GPC6: variants seen among roughly 807,000 people sequenced by gnomAD.
The protein encoded by GPC6 is glypican 6.
In GPC6, 14 loss-of-function variants were observed where a neutral mutation model predicts 55.2. The ratio of observed to expected loss-of-function variants is 0.25; its 90% CI spans 0.17 to 0.40. GPC6 has a LOEUF of 0.40. Ranked by LOEUF, GPC6 falls within the 10% of genes least tolerant of loss-of-function variation. The pLI is 1.00. For missense variants in GPC6, 641 were observed against 708.5 expected (o/e 0.90, Z 1.08); for synonymous variants, 278 against 259.6 (o/e 1.07, Z -0.68).
At chr13:93,240,529 C>A (rs1446993914) in intron 1 of GPC6, among the ~76,000 whole-genome samples, 2 of 151,968 alleles carry the variant, frequency 1.3e-5, no homozygotes, top group African/African-American at 4.8e-5. Context: ...CTATAAGAAT[C>A]TTTACAAGTT....
At chr13:93,879,464 A>G (rs1191311023) in intron 3 of GPC6, among the ~76,000 whole-genome samples, 3 of 151,674 alleles carry the variant, frequency 2.0e-5, no homozygotes, top group Non-Finnish European at 2.9e-5. Context: ...GCAATGGGGA[A>G]AGGATTCCCT....
chr13:93,851,454 C>G lies in GPC6; in HGVS notation c.711+20909C>G, dbSNP rs143280904. On this transcript the variant is annotated intron_variant, in intron 3 of 8. Coordinates refer to ENST00000377047, the MANE Select transcript of GPC6 (RefSeq NM_005708.5). ...TGTTAGAGGGCACAGTGCCATCTAACAGTCAGGGAAGAATATAGGCTGAAA... is the reference window on the plus strand; with the variant it reads ...TGTTAGAGGGCACAGTGCCATCTAAGAGTCAGGGAAGAATATAGGCTGAAA... Among the ~76,000 whole-genome samples, 38 of 151,934 alleles carry G rather than the reference C, an allele frequency of 2.5e-4. No individual in the cohort carries two copies. The East Asian group carries it at 7.4e-3, about 30-fold the overall frequency.
chr13:94,113,489 T>C (rs931078943), intron 4 of GPC6, among the ~76,000 whole-genome samples: 2 of 152,142 alleles, frequency 1.3e-5, no homozygotes, highest in African/African-American at 4.8e-5. Context: ...TCCTTAAATA[T>C]GTGTGCACCT....
At chr13:93,610,366 C>T (rs534801594) in intron 2 of GPC6, among the ~76,000 whole-genome samples, 2 of 152,254 alleles carry the variant, frequency 1.3e-5, no homozygotes, top group East Asian at 1.9e-4. Context: ...TACATCGCAA[C>T]CCAGAATGTG....
At chr13:93,608,959 A>G (rs1393463530) in intron 2 of GPC6, among the ~76,000 whole-genome samples, 2 of 152,206 alleles carry the variant, frequency 1.3e-5, no homozygotes, top group African/African-American at 4.8e-5. Flanking sequence ...CATTATGAAT[A>G]AGATGCTATG....
chr13:93,390,828 G>A (rs1006943527), intron 1 of GPC6, among the ~76,000 whole-genome samples: 1 of 149,878 alleles, frequency 6.7e-6, no homozygotes, highest in Non-Finnish European at 1.5e-5. Context: ...GGGGACATTG[G>A]TGTCTTAGTT....
intron 4 of GPC6, among the ~76,000 whole-genome samples, chr13:94,158,176 T>C (rs1471351593): frequency 1.3e-5 from 2 of 152,146 alleles, no homozygotes; most frequent in Non-Finnish European, 2.9e-5. Context: ...AACCTCTCCA[T>C]GGAACATGCA....
intron 4 of GPC6, among the ~76,000 whole-genome samples, chr13:94,112,544 G>A (rs1001766978): frequency 1.3e-5 from 2 of 152,112 alleles, no homozygotes; most frequent in African/African-American, 4.8e-5. Context: ...CCTTTCCACA[G>A]CATCATCTTA....
At chr13:94,397,124 C>T (rs948563214) in intron 7 of GPC6, among the ~76,000 whole-genome samples, 6 of 151,974 alleles carry the variant, frequency 3.9e-5, no homozygotes, top group Admixed American at 3.9e-4. Context: ...TTTTTGAAAA[C>T]TAATCATACA....
chr13:93,322,519 C>T (rs1402799984), intron 1 of GPC6, among the ~76,000 whole-genome samples: 1 of 146,698 alleles, frequency 6.8e-6, no homozygotes. Context: ...TCACTGCAAC[C>T]TCTGCCACTT....
chr13:93,895,575 T>A (rs1469236775), intron 3 of GPC6, among the ~76,000 whole-genome samples: 1 of 152,010 alleles, frequency 6.6e-6, no homozygotes, highest in Admixed American at 6.6e-5. Flanking sequence ...CTCACCATCA[T>A]CTATTTTAAG....
intron 2 of GPC6, among the ~76,000 whole-genome samples, chr13:93,787,080 A>G (rs546949685): frequency 9.2e-5 from 14 of 152,338 alleles, no homozygotes; most frequent in Non-Finnish European, 2.1e-4. Context: ...CAAGGCCTTT[A>G]TGTAGCCACA....
At chr13:93,844,048 A>G (rs1217446935) in intron 3 of GPC6, among the ~76,000 whole-genome samples, 2 of 152,204 alleles carry the variant, frequency 1.3e-5, no homozygotes, top group East Asian at 1.9e-4. Context: ...GAACACATTC[A>G]GTGAACTTCA....
chr13:94,278,927 G>T lies in GPC6; in HGVS notation c.878-7422G>T, dbSNP rs190707091. 1.1e-4 allele frequency among the ~76,000 whole-genome samples: 16 copies of T among 152,234 alleles called. No individual in the cohort carries two copies. In the East Asian group the frequency reaches 3.1e-3, roughly 29 times the overall value. Reference sequence around the variant, plus strand: ...TTTGTTATGTTTCTGCCAGATTTTGGTATCAGTATGATGCTGGCTTCATAA... The same window carrying T: ...TTTGTTATGTTTCTGCCAGATTTTGTTATCAGTATGATGCTGGCTTCATAA... On this transcript the variant is annotated intron_variant, in intron 4 of 8. Coordinates refer to ENST00000377047, the MANE Select transcript of GPC6 (RefSeq NM_005708.5).
intron 6 of GPC6, among the ~76,000 whole-genome samples, chr13:94,349,893 C>G (rs1878456767): frequency 6.6e-6 from 1 of 152,082 alleles, no homozygotes; most frequent in South Asian, 2.1e-4. Flanking sequence ...CTATGTTTAT[C>G]TAACCCAGTC....
chr13:94,027,941 A>C (rs750404499), intron 4 of GPC6, 47 bp downstream of exon 4: 1 of 1,546,152 alleles, frequency 6.5e-7, no homozygotes, highest in Admixed American at 1.7e-5. Flanking sequence ...GGACAACAGC[A>C]AGTGTTTATG....
chr13:93,963,650 T>A (rs1272544664), intron 3 of GPC6, among the ~76,000 whole-genome samples: 2 of 152,234 alleles, frequency 1.3e-5, no homozygotes, highest in Non-Finnish European at 2.9e-5. Flanking sequence ...CTTTAAATCA[T>A]CTCCGTTAGA....
At chr13:93,392,181 C>G (rs898067930) in intron 1 of GPC6, among the ~76,000 whole-genome samples, 1 of 152,162 alleles carries the variant, frequency 6.6e-6, no homozygotes, top group Non-Finnish European at 1.5e-5. Flanking sequence ...AACTAAATGT[C>G]TACACTGCTA....
chr13:93,309,368 T>C (rs1260586424), intron 1 of GPC6, among the ~76,000 whole-genome samples: 2 of 152,120 alleles, frequency 1.3e-5, no homozygotes, highest in Non-Finnish European at 2.9e-5. Context: ...TGTTGCTATT[T>C]TTTTGGTTAG....
Sources: gnomAD v4.1 joint callset for allele counts (sites outside exome capture counted in the v4.1 genomes callset) on GRCh38, gnomAD v4.1.1 for gene constraint, MANE v1.5 for transcripts, NCBI Gene and HGNC (gene_info 2026-07-23, HGNC 2026-07-21) for gene names.